FLT4: variants seen among roughly 807,000 people sequenced by gnomAD.
FLT4 encodes the protein fms related receptor tyrosine kinase 4, also known as vascular endothelial growth factor receptor 3.
In FLT4, 30 loss-of-function variants were observed where a neutral mutation model predicts 163.2. The ratio of observed to expected loss-of-function variants is 0.18; its 90% CI spans 0.14 to 0.25. FLT4 has a LOEUF of 0.25. Ranked by LOEUF, FLT4 falls within the 10% of genes least tolerant of loss-of-function variation. FLT4 has a pLI of 1.00. For missense variants in FLT4, 1,510 were observed against 1,863.8 expected (o/e 0.81, Z 3.50); for synonymous variants, 884 against 789.5 (o/e 1.12, Z -2.01).
In FLT4 at chr5:180,603,145, C is replaced by G. The variant is rs768618179; in HGVS notation, c.*47G>C. ...CTGGGCCTCCAGCCCTCTGCCCGCC[C>G]TGCCGGGCCTGAACCCCCAAGTGCT... On this transcript the variant is annotated 3_prime_UTR_variant, in exon 30 of 30. Transcript: ENST00000261937. 1 of 1,597,012 alleles carries G rather than the reference C, an allele frequency of 6.3e-7. No homozygotes were observed. Among genetic ancestry groups the G allele is most frequent in the East Asian group, 2.2e-5 (1 of 44,764 alleles).
intron 10 of FLT4, among the ~76,000 whole-genome samples, chr5:180,624,510 G>A (rs1763448589): frequency 6.6e-6 from 1 of 152,122 alleles, no homozygotes; most frequent in East Asian, 1.9e-4. Flanking sequence ...TTACAGGCGT[G>A]AGCCACCGAG....
rs1319984440 is a variant in FLT4, at chr5:180,623,585, A to G, written c.1548+350T>C. On this transcript the variant is annotated intron_variant, in intron 11 of 29. Transcript: ENST00000261937. This position sits in a 1 kb window ranked among gnomAD's most constrained non-coding sequence, Gnocchi z 5.8. Reference sequence around the variant, plus strand: ...CTCGGCGTTGCCCCCAGGCTGCGCCAGCGGCTCAGCAGCCCTCTGTGCAGA... The same window carrying G: ...CTCGGCGTTGCCCCCAGGCTGCGCCGGCGGCTCAGCAGCCCTCTGTGCAGA... Among the ~76,000 whole-genome samples the G allele has an allele frequency of 3.3e-5, 5 of 152,190 alleles. No homozygotes were observed. The highest frequency in any genetic ancestry group is 3.3e-4 in the Admixed American group (5 of 15,290).
At chr5:180,624,220 C>A (rs566728134) in intron 10 of FLT4, among the ~76,000 whole-genome samples, 159 bp from the exon 11 acceptor site, 1 of 146,744 alleles carries the variant, frequency 6.8e-6, no homozygotes, top group African/African-American at 2.6e-5. Context: ...GGGAAGGGGA[C>A]TTTGGTGTTT....
At chr5:180,610,734 C>G (rs1370249642) in intron 27 of FLT4, among the ~76,000 whole-genome samples, 1 of 151,408 alleles carries the variant, frequency 6.6e-6, no homozygotes, top group African/African-American at 2.4e-5. Flanking sequence ...AATCTTGGCC[C>G]AAACACAGTC....
In FLT4 at chr5:180,619,706, T is replaced by C. The variant is rs746026756; in HGVS notation, c.2606A>G (p.Lys869Arg). ...GGCCACGGTGTCACAGCTGCTGCCCTTGTGGATGCCGAAAGCGGAGGCTTC... is the reference window on the plus strand; with the variant it reads ...GGCCACGGTGTCACAGCTGCTGCCCCTGTGGATGCCGAAAGCGGAGGCTTC... ...VVEASAFGIH[K>R]GSSCDTVAVK... Residue 869 changes from lysine to arginine, a missense_variant, in exon 18 of 30, where the codon AAG becomes AGG. Around this residue, in one of 5 missense-constraint regions of FLT4, gnomAD observed 878 missense variants for 1,016.7 expected, o/e 0.86. Transcript: ENST00000261937. 3.1e-6 allele frequency: 5 copies of C among 1,612,552 alleles called. No homozygotes were observed. The highest frequency in any genetic ancestry group is 3.3e-5 in the Admixed American group (2 of 60,012).
Position 180,622,732 on chromosome 5 carries a change from G to A in FLT4, c.1656C>T (p.Thr552=), listed in dbSNP as rs760169945. The A allele has an allele frequency of 6.3e-7, 1 of 1,598,630 alleles. No homozygotes were observed. Among genetic ancestry groups the A allele is most frequent in the Admixed American group, 1.7e-5 (1 of 59,988 alleles). Residue 552 remains threonine (T), a splice_region_variant and synonymous_variant, in exon 12 of 30, where the codon ACC becomes ACT. Coordinates refer to ENST00000261937, the MANE Select transcript of FLT4 (RefSeq NM_182925.5). Reference sequence around the variant, plus strand: ...CCCCGCCCTGGTCTGGTCACTCACTGGTCACATAGAAGTAGATGAGCCGCT... The same window carrying A: ...CCCCGCCCTGGTCTGGTCACTCACTAGTCACATAGAAGTAGATGAGCCGCT... ...QDERLIYFYV[T]TIPDGFTIES...
chr5:180,637,071 C>A (rs1384898738), intron 1 of FLT4, among the ~76,000 whole-genome samples: 1 of 152,142 alleles, frequency 6.6e-6, no homozygotes. Flanking sequence ...AAACACCCCA[C>A]TGGCTGGGCA....
chr5:180,641,434 C>T (rs774050951), intron 1 of FLT4, among the ~76,000 whole-genome samples: 13 of 152,214 alleles, frequency 8.5e-5, no homozygotes, highest in Non-Finnish European at 1.6e-4. Context: ...CTTGGGAAGA[C>T]GGGGACTGTG....
Position 180,616,342 on chromosome 5 carries a change from C to T in FLT4, c.3219+25G>A, listed in dbSNP as rs1223551414. 4 of 1,613,770 alleles carry T rather than the reference C, an allele frequency of 2.5e-6. No homozygotes were observed. In the East Asian group the frequency reaches 6.7e-5, roughly 27 times the overall value. ...CCTTCACCTGTTCCGCCCCACGTTC[C>T]CTCTCCTCAATGGCCTGCACTCACA... is the stretch of plus-strand genomic sequence containing the variant. On this transcript the variant is annotated intron_variant, in intron 23 of 29. Transcript: ENST00000261937.
rs538187341 is a variant in FLT4, at chr5:180,608,603, G to A, written c.3893+365C>T. Reference sequence around the variant, plus strand: ...GATTACAGTATCTACCCGGCTTCTGGAGCCACTGGGTGAAGTTCCGGGGTT... The same window carrying A: ...GATTACAGTATCTACCCGGCTTCTGAAGCCACTGGGTGAAGTTCCGGGGTT... On this transcript the variant is annotated intron_variant, in intron 29 of 29. Transcript: ENST00000261937. Among the ~76,000 whole-genome samples, 17 of 152,264 alleles carry A rather than the reference G, an allele frequency of 1.1e-4. No homozygotes were observed. The East Asian group carries it at 2.7e-3, about 24-fold the overall frequency.
At position 180,629,425 on chromosome 5, in the gene FLT4, T is replaced by G; in HGVS notation, c.819A>C (p.Ala273=). The change falls in exon 7 of 30, where the codon GCA becomes GCC. Residue 273 remains alanine (A), a splice_region_variant and synonymous_variant. Coordinates refer to ENST00000261937, the MANE Select transcript of FLT4 (RefSeq NM_182925.5). ...TFDWDYPGKQ[A]ERGKWVPERR... is the part of the protein sequence containing the mutation. Reference sequence around the variant, plus strand: ...GCTCGGGCACCCACTTACCCCGCTCTGCCTGCCCGCACCCAGGGAAGCCCC... The same window carrying G: ...GCTCGGGCACCCACTTACCCCGCTCGGCCTGCCCGCACCCAGGGAAGCCCC... 1 of 1,610,870 alleles carries G rather than the reference T, an allele frequency of 6.2e-7. No individual in the cohort carries two copies. Among genetic ancestry groups the G allele is most frequent in the Non-Finnish European group, 8.5e-7 (1 of 1,179,952 alleles).
In FLT4 at chr5:180,611,311, G is replaced by A. The variant is rs2127790914; in HGVS notation, c.3686+20C>T. The stretch of plus-strand genomic sequence containing the variant: ...CATGGCTTTCTCCCACCCTACTCCT[G>A]GACCTGCAGGACAGCTGACCTGGCG... On this transcript the variant is annotated intron_variant, in intron 27 of 29. Coordinates refer to ENST00000261937, the MANE Select transcript of FLT4 (RefSeq NM_182925.5). 6.2e-7 allele frequency: 1 copy of A among 1,613,518 alleles called. No individual in the cohort carries two copies. Among genetic ancestry groups the A allele is most frequent in the Non-Finnish European group, 8.5e-7 (1 of 1,179,864 alleles).
At chr5:180,649,377 G>T in intron 1 of FLT4, 111 bp downstream of exon 1, 1 of 670,400 alleles carries the variant, frequency 1.5e-6, no homozygotes, top group Non-Finnish European at 2.1e-6. Context: ...CAGGGCCACC[G>T]TGTCCCCCGC....
chr5:180,603,612 T>C (rs575450374), intron 29 of FLT4, among the ~76,000 whole-genome samples: 1 of 152,260 alleles, frequency 6.6e-6, no homozygotes, highest in African/African-American at 2.4e-5. Flanking sequence ...AGTGAAACAA[T>C]TGCTTGAGGC....
chr5:180,622,939 T>A (rs1452431018), intron 11 of FLT4, 100 bp from the exon 12 acceptor site: 2 of 771,830 alleles, frequency 2.6e-6, no homozygotes, highest in African/African-American at 1.7e-5. Flanking sequence ...CCCCCCCCAA[T>A]CATGGGGGAA....
chr5:180,648,969 T>C (rs1765617639), intron 1 of FLT4, among the ~76,000 whole-genome samples: 1 of 152,046 alleles, frequency 6.6e-6, no homozygotes, highest in Non-Finnish European at 1.5e-5. Context: ...GTCCCCGCCG[T>C]CGCCGGCCAC....
At position 180,618,865 on chromosome 5, in the gene FLT4, A is replaced by C. The variant is rs1275372426; in HGVS notation, c.2906T>G (p.Leu969Arg). 6.3e-7 allele frequency: 1 copy of C among 1,584,674 alleles called. No homozygotes were observed. The highest frequency in any genetic ancestry group is 8.6e-7 in the Non-Finnish European group (1 of 1,166,118). Residue 969 changes from leucine (L) to arginine (R), a missense_variant, in exon 21 of 30, where the codon CTG becomes CGG. Transcript: ENST00000261937. ...GCTGCTCCCCGGCCGCCTCCGATCCAGCCTGGCGAGCTCCACCATGGCGCG... is the reference window on the plus strand; with the variant it reads ...GCTGCTCCCCGGCCGCCTCCGATCCCGCCTGGCGAGCTCCACCATGGCGCG... ...RFRAMVELAR[L>R]DRRRPGSSDR...
chr5:180,643,946 C>T (rs1051271590), intron 1 of FLT4, among the ~76,000 whole-genome samples: 16 of 152,120 alleles, frequency 1.1e-4, no homozygotes, highest in African/African-American at 3.6e-4. Flanking sequence ...CTCAGCCTCC[C>T]GAGTAGTTGG....
At chr5:180,621,369 C>T (rs1474640634) in intron 13 of FLT4, 117 bp from the exon 14 acceptor site, 31 of 1,429,990 alleles carry the variant, frequency 2.2e-5, no homozygotes, top group Non-Finnish European at 2.9e-5. Flanking sequence ...GGGTTGTGCG[C>T]CGGGCAGGAG....
Sources: allele counts gnomAD v4.1 joint callset (sites outside exome capture counted in the v4.1 genomes callset), GRCh38; gene constraint gnomAD v4.1.1; regional missense constraint gnomAD v4.1.1; non-coding constraint Gnocchi (gnomAD v3.1); transcripts MANE v1.5; gene names NCBI Gene and HGNC (gene_info 2026-07-23, HGNC 2026-07-21).